Variants in BBOX1 observed in about 807,000 individuals in gnomAD.
The protein encoded by BBOX1 is gamma-butyrobetaine dioxygenase.
BBOX1 carries 35 observed loss-of-function variants against 41.6 expected under a neutral mutation model. The observed-to-expected ratio is 0.84, with a 90% confidence interval of 0.64 to 1.11. The LOEUF (loss-of-function observed/expected upper bound fraction) is 1.11. BBOX1 is among the 50% of genes most tolerant of loss of function. The pLI is 0.00. For missense variants in BBOX1, 458 were observed against 460.6 expected (o/e 0.99, Z 0.05); for synonymous variants, 163 against 154.7 (o/e 1.05, Z -0.40).
intron 4 of BBOX1, among the ~76,000 whole-genome samples, chr11:27,091,436 T>C (rs1209786154): frequency 6.6e-6 from 1 of 151,886 alleles, no homozygotes; most frequent in Non-Finnish European, 1.5e-5. Flanking sequence ...ACCAATAAAC[T>C]GTATCAAACC....
At chr11:27,119,092 C>T (rs1859369595) in intron 6 of BBOX1, among the ~76,000 whole-genome samples, 5 of 152,142 alleles carry the variant, frequency 3.3e-5, no homozygotes, top group South Asian at 2.1e-4. Flanking sequence ...GAGGCCTCAC[C>T]AATTGCCCTT....
At chr11:27,086,489 T>G (rs964106324) in intron 4 of BBOX1, among the ~76,000 whole-genome samples, 1 of 152,162 alleles carries the variant, frequency 6.6e-6, no homozygotes, top group African/African-American at 2.4e-5. Context: ...ACTGAATATT[T>G]GTTCAATAGC....
intron 4 of BBOX1, among the ~76,000 whole-genome samples, chr11:27,078,707 G>C (rs1200214469): frequency 6.6e-6 from 1 of 152,184 alleles, no homozygotes; most frequent in Non-Finnish European, 1.5e-5. Flanking sequence ...GAATTTGTTA[G>C]AAGAGAAGGT....
chr11:27,057,063 T>TAAAAAAAAAAAAAAAA lies in BBOX1; in HGVS notation c.220-138_220-137insAAAAAAAAAAAAAAAA, dbSNP rs1459422645. 604 of 149,484 alleles carry TAAAAAAAAAAAAAAAA rather than the reference T, an allele frequency of 4.0e-3. 176 individuals carry two copies. The highest frequency in any genetic ancestry group is 0.028 in the African/African-American group (433 of 15,688). 9.3% of individuals were successfully genotyped at this position (149,484 alleles called of 1,614,324 possible). A position where few individuals can be genotyped will look rare whatever the true frequency, so the allele number is the denominator to read the frequency against. ...CCTGGCAACAGAGGAAGACTCCGACTTAAAAAAAAAAAAAAAAAAAAATTA... is the reference window on the plus strand; with the variant it reads ...CCTGGCAACAGAGGAAGACTCCGACTAAAAAAAAAAAAAAAATAAAAAAAAAAAAAAAAAAAAATTA... On this transcript the variant is annotated intron_variant, in intron 3 of 8. Coordinates refer to ENST00000263182, the MANE Select transcript of BBOX1 (RefSeq NM_003986.3).
intron 4 of BBOX1, among the ~76,000 whole-genome samples, chr11:27,087,574 T>G (rs2134029459): frequency 6.6e-6 from 1 of 152,240 alleles, no homozygotes; most frequent in Non-Finnish European, 1.5e-5. Context: ...CTCACTTTCT[T>G]TAGCTATTCA....
chr11:27,056,731 T>C (rs898379024), intron 3 of BBOX1, among the ~76,000 whole-genome samples: 52 of 152,204 alleles, frequency 3.4e-4, no homozygotes, highest in African/African-American at 1.2e-3. Flanking sequence ...TGTATTACTT[T>C]GGCTTCCTTG....
At chr11:27,124,452 T>A (rs968461613) in intron 7 of BBOX1, among the ~76,000 whole-genome samples, 2 of 152,176 alleles carry the variant, frequency 1.3e-5, no homozygotes, top group Non-Finnish European at 2.9e-5. Flanking sequence ...CTGGGTGATG[T>A]TCATGTCTTG....
intron 6 of BBOX1, among the ~76,000 whole-genome samples, chr11:27,118,152 T>C (rs994942144): frequency 4.6e-5 from 7 of 151,978 alleles, no homozygotes; most frequent in African/African-American, 1.7e-4. Flanking sequence ...TTGCATGTAA[T>C]AGAGACATCA....
intron 7 of BBOX1, among the ~76,000 whole-genome samples, chr11:27,125,095 T>C (rs1859603715): frequency 6.6e-6 from 1 of 152,148 alleles, no homozygotes; most frequent in Non-Finnish European, 1.5e-5. Flanking sequence ...AATACTAAGA[T>C]AGGTAGGATG....
intron 6 of BBOX1, among the ~76,000 whole-genome samples, chr11:27,116,019 C>T (rs1312087569): frequency 6.6e-6 from 1 of 151,982 alleles, no homozygotes; most frequent in Non-Finnish European, 1.5e-5. Flanking sequence ...GACACATGCA[C>T]ATGTATGTTT....
At chr11:27,109,357 T>C (rs992920296) in intron 5 of BBOX1, among the ~76,000 whole-genome samples, 11 of 152,066 alleles carry the variant, frequency 7.2e-5, no homozygotes, top group Admixed American at 1.3e-4. Flanking sequence ...ATTTTCCAAA[T>C]ATATAAATTG....
At chr11:27,061,352 TG>T (rs1459996129) in intron 4 of BBOX1, among the ~76,000 whole-genome samples, 1 of 152,190 alleles carries the variant, frequency 6.6e-6, no homozygotes, top group African/African-American at 2.4e-5. Context: ...ATATAAGAAC[TG>T]GCTGCTATTT....
chr11:27,092,375 G>T (rs893786767), intron 4 of BBOX1, among the ~76,000 whole-genome samples: 2 of 151,916 alleles, frequency 1.3e-5, no homozygotes, highest in African/African-American at 4.8e-5. Context: ...GGCTTTTCCT[G>T]AATTCAGTTG....
intron 7 of BBOX1, among the ~76,000 whole-genome samples, chr11:27,123,883 A>C (rs1182804411): frequency 6.6e-6 from 1 of 152,146 alleles, no homozygotes; most frequent in African/African-American, 2.4e-5. Flanking sequence ...AATACATGCA[A>C]ATCTATGTTT....
At chr11:27,058,413 T>G (rs755968042) in intron 4 of BBOX1, among the ~76,000 whole-genome samples, 1 of 152,184 alleles carries the variant, frequency 6.6e-6, no homozygotes, top group African/African-American at 2.4e-5. Context: ...TCCTGAGAAG[T>G]GAGGCATTGC....
At chr11:27,047,617 A>G (rs904411865) in intron 2 of BBOX1, among the ~76,000 whole-genome samples, 26 of 152,324 alleles carry the variant, frequency 1.7e-4, no homozygotes, top group African/African-American at 6.3e-4. Flanking sequence ...TTTAATATAT[A>G]TATCAGCACA....
At chr11:27,079,745 G>A (rs187573375) in intron 4 of BBOX1, among the ~76,000 whole-genome samples, 6 of 152,180 alleles carry the variant, frequency 3.9e-5, no homozygotes, top group East Asian at 3.9e-4. Flanking sequence ...AAAATTAACC[G>A]TTGCTGGGAG....
At chr11:27,045,682 A>G (rs1193711989) in intron 2 of BBOX1, among the ~76,000 whole-genome samples, 1 of 152,130 alleles carries the variant, frequency 6.6e-6, no homozygotes, top group Non-Finnish European at 1.5e-5. Flanking sequence ...CTCCTGAGAA[A>G]GAGATGAAAA....
At chr11:27,100,148 T>G (rs1858592943) in intron 5 of BBOX1, among the ~76,000 whole-genome samples, 1 of 152,070 alleles carries the variant, frequency 6.6e-6, no homozygotes, top group African/African-American at 2.4e-5. Context: ...TGAAAAATAT[T>G]ACTATTTCTC....
Sources: allele counts gnomAD v4.1 joint callset (sites outside exome capture counted in the v4.1 genomes callset), GRCh38; gene constraint gnomAD v4.1.1; transcripts MANE v1.5; gene names NCBI Gene and HGNC (gene_info 2026-07-23, HGNC 2026-07-21).